CYFIP1: variants seen among roughly 807,000 people sequenced by gnomAD.
CYFIP1 encodes the protein cytoplasmic FMR1-interacting protein 1.
Under a neutral mutation model 163.5 loss-of-function variants are expected in CYFIP1, and 58 were observed. That is an observed-to-expected ratio of 0.35 (90% confidence interval 0.29 to 0.44). CYFIP1 has a LOEUF of 0.44. Among genes scored for constraint, CYFIP1 ranks in the 20% least tolerant of loss-of-function variants. The probability of loss-of-function intolerance (pLI) is 1.00; values close to 1 mark genes in which losing one functional copy is unlikely to be tolerated. For missense variants in CYFIP1, 1,338 were observed against 1,653.8 expected (o/e 0.81, Z 3.31); for synonymous variants, 663 against 660.7 (o/e 1.00, Z -0.05).
At chr15:22,880,561 C>T (rs370150927) in intron 25 of CYFIP1, among the ~76,000 whole-genome samples, 107 of 152,292 alleles carry the variant, frequency 7.0e-4, no homozygotes, top group Non-Finnish European at 1.4e-3. Context: ...CACAAAAAGA[C>T]GCAAGGTGCA....
intron 1 of CYFIP1, among the ~76,000 whole-genome samples, chr15:22,966,118 G>A (rs1217477917): frequency 6.6e-6 from 1 of 151,932 alleles, no homozygotes; most frequent in Non-Finnish European, 1.5e-5. Context: ...GGAGGCCGAG[G>A]CGGGTGGATC....
chr15:22,956,685 G>C (rs1017209617), intron 1 of CYFIP1, among the ~76,000 whole-genome samples: 2 of 152,124 alleles, frequency 1.3e-5, no homozygotes, highest in African/African-American at 4.8e-5. Flanking sequence ...AAGGGGGAAC[G>C]GGTGGCCACA....
At chr15:22,930,777 C>T (rs1290889587) in intron 11 of CYFIP1, among the ~76,000 whole-genome samples, 1 of 152,158 alleles carries the variant, frequency 6.6e-6, no homozygotes, top group South Asian at 2.1e-4. Context: ...AGCCAAAAAG[C>T]TCTTTTTAAA....
At chr15:22,954,683 A>C (rs930680821) in intron 1 of CYFIP1, among the ~76,000 whole-genome samples, 1 of 152,224 alleles carries the variant, frequency 6.6e-6, no homozygotes, top group Non-Finnish European at 1.5e-5. Flanking sequence ...TATCAGCAGC[A>C]GTTCTCAACC....
chr15:22,892,565 T>C (rs150867686), intron 23 of CYFIP1, among the ~76,000 whole-genome samples: 172 of 152,320 alleles, frequency 1.1e-3, no homozygotes, highest in African/African-American at 4.0e-3. Flanking sequence ...TTGATGTTTT[T>C]AAACCTGTAA....
intron 1 of CYFIP1, among the ~76,000 whole-genome samples, chr15:22,962,699 C>T (rs1261531638): frequency 2.0e-5 from 3 of 152,020 alleles, no homozygotes; most frequent in African/African-American, 4.8e-5. Context: ...CCACCACGCC[C>T]GGCCATAGCT....
At chr15:22,883,735 T>C (rs1041783023) in intron 23 of CYFIP1, among the ~76,000 whole-genome samples, 21 of 145,100 alleles carry the variant, frequency 1.4e-4, no homozygotes, top group Admixed American at 9.5e-4. Flanking sequence ...GAGAATGGCA[T>C]GAACCTGGGA....
intron 23 of CYFIP1, among the ~76,000 whole-genome samples, chr15:22,888,374 C>T (rs1259782003): frequency 1.3e-5 from 2 of 152,174 alleles, no homozygotes; most frequent in African/African-American, 4.8e-5. Context: ...TATCCAGCCT[C>T]TTCTTGAGTG....
intron 25 of CYFIP1, among the ~76,000 whole-genome samples, chr15:22,880,967 G>A (rs747707539): frequency 2.2e-4 from 33 of 152,154 alleles, no homozygotes; most frequent in Non-Finnish European, 4.3e-4. Context: ...ATAAGCATTG[G>A]TTTTAATCAT....
chr15:22,918,342 G>A (rs1289750166), intron 14 of CYFIP1, among the ~76,000 whole-genome samples: 1 of 152,104 alleles, frequency 6.6e-6, no homozygotes, highest in Non-Finnish European at 1.5e-5. Context: ...GCCTGGCCAT[G>A]TCTCTCGACT....
At chr15:22,935,085 T>C (rs146809822) in intron 9 of CYFIP1, among the ~76,000 whole-genome samples, 23 of 152,152 alleles carry the variant, frequency 1.5e-4, no homozygotes, top group African/African-American at 5.3e-4. Flanking sequence ...TTTGGGGGGA[T>C]AGTGTGTATA....
intron 11 of CYFIP1, among the ~76,000 whole-genome samples, chr15:22,928,300 G>C (rs1180867300): frequency 2.0e-5 from 3 of 152,122 alleles, no homozygotes; most frequent in African/African-American, 7.2e-5. Context: ...GGAGAATGGC[G>C]TGAGCCCGGG....
intron 30 of CYFIP1, among the ~76,000 whole-genome samples, chr15:22,872,377 TTTAA>T (rs1566908546): frequency 6.6e-6 from 1 of 151,860 alleles, no homozygotes; most frequent in Admixed American, 6.6e-5. Context: ...CTAACATATG[TTTAA>T]CTGAAGTCCT....
At chr15:22,979,444 C>G (rs2063391118) in intron 1 of CYFIP1, among the ~76,000 whole-genome samples, 2 of 145,652 alleles carry the variant, frequency 1.4e-5, no homozygotes, top group African/African-American at 5.3e-5. Context: ...CGGTGCCCTC[C>G]GCCGCCAGAA....
At chr15:22,932,419 T>C in intron 10 of CYFIP1, 79 bp from the exon 11 acceptor site, 1 of 906,692 alleles carries the variant, frequency 1.1e-6, no homozygotes, top group East Asian at 3.0e-5. Context: ...GGACGCCTGT[T>C]TGGCACCAGA....
At position 22,883,467 on chromosome 15, in the gene CYFIP1, G is replaced by C. The variant is rs116823048; in HGVS notation, c.2677-456C>G. On this transcript the variant is annotated intron_variant, in intron 23 of 30. Coordinates refer to ENST00000617928, the MANE Select transcript of CYFIP1 (RefSeq NM_014608.6). ...AGGAAGGTAGTTAGGGTGTGTATTA[G>C]TCCGTTTTCACACTGCTATAGAGAA... 4.4e-3 allele frequency among the ~76,000 whole-genome samples: 669 copies of C among 152,206 alleles called. 7 individuals carry two copies. Among genetic ancestry groups the C allele is most frequent in the African/African-American group, 0.015 (635 of 41,516 alleles).
chr15:22,969,753 C>T (rs1595731564), intron 1 of CYFIP1, among the ~76,000 whole-genome samples: 1 of 152,214 alleles, frequency 6.6e-6, no homozygotes, highest in East Asian at 1.9e-4. Flanking sequence ...TATATGCTAT[C>T]CACTAGAAAC....
intron 23 of CYFIP1, among the ~76,000 whole-genome samples, chr15:22,891,962 A>G (rs1171618431): frequency 6.6e-6 from 1 of 152,152 alleles, no homozygotes; most frequent in East Asian, 1.9e-4. Flanking sequence ...TGGGGCAGAC[A>G]ATGTCCTGTG....
chr15:22,938,570 AC>A (rs150457094), intron 8 of CYFIP1, among the ~76,000 whole-genome samples: 2,181 of 152,142 alleles, frequency 0.014, 57 homozygotes, highest in African/African-American at 0.05. Context: ...GCACCATTGC[AC>A]TGGAGCCTGG....
Sources: gnomAD v4.1 joint callset for allele counts (sites outside exome capture counted in the v4.1 genomes callset) on GRCh38, gnomAD v4.1.1 for gene constraint, MANE v1.5 for transcripts, NCBI Gene and HGNC (gene_info 2026-07-23, HGNC 2026-07-21) for gene names.